INSR: variants seen among roughly 807,000 people sequenced by gnomAD.
INSR encodes IR.
Under a neutral mutation model 142.6 loss-of-function variants are expected in INSR, and 67 were observed. The ratio of observed to expected loss-of-function variants is 0.47; its 90% CI spans 0.39 to 0.58. The LOEUF (loss-of-function observed/expected upper bound fraction) is 0.58. Among genes scored for constraint, INSR ranks in the 20% least tolerant of loss-of-function variants. The pLI is 0.00. For missense variants in INSR, 1,248 were observed against 1,833.2 expected, an observed-to-expected ratio of 0.68 and a Z score of 5.83; for synonymous variants, 756 against 743.1, an observed-to-expected ratio of 1.02 and a Z score of -0.28.
intron 2 of INSR, among the ~76,000 whole-genome samples, chr19:7,244,902 C>T (rs1243229015): frequency 1.4e-5 from 2 of 141,728 alleles, no homozygotes; most frequent in Non-Finnish European, 3.1e-5. Flanking sequence ...AAATCAATAT[C>T]TCAATGGGTT....
intron 2 of INSR, among the ~76,000 whole-genome samples, chr19:7,254,618 C>CT (rs1976833496): frequency 6.6e-6 from 1 of 152,092 alleles, no homozygotes; most frequent in Non-Finnish European, 1.5e-5. Flanking sequence ...TCTTGAAACT[C>CT]CAGCACACAC....
intron 6 of INSR, among the ~76,000 whole-genome samples, chr19:7,169,158 G>A (rs1425486800): frequency 1.3e-5 from 2 of 152,172 alleles, no homozygotes; most frequent in South Asian, 2.1e-4. Flanking sequence ...CCGTGGCCTT[G>A]ATCTCTTTCT....
chr19:7,169,129 A>G (rs1973954552), intron 6 of INSR, among the ~76,000 whole-genome samples: 1 of 152,198 alleles, frequency 6.6e-6, no homozygotes, highest in South Asian at 2.1e-4. Flanking sequence ...TTTGCAATGC[A>G]GAACTTCCCT....
chr19:7,273,320 A>T (rs1407347802), intron 1 of INSR, among the ~76,000 whole-genome samples: 1 of 152,154 alleles, frequency 6.6e-6, no homozygotes, highest in Non-Finnish European at 1.5e-5. Flanking sequence ...TGGGACAGAA[A>T]ATACCCAGAG....
At chr19:7,138,482 C>A (rs771582688) in intron 13 of INSR, among the ~76,000 whole-genome samples, 2 of 152,130 alleles carry the variant, frequency 1.3e-5, no homozygotes, top group Non-Finnish European at 2.9e-5. Flanking sequence ...TCAAGCAATT[C>A]TCTCCTCAGC....
rs757849386 is a variant in INSR at position 7,267,849 on chromosome 19, G to T, written c.148C>A (p.Leu50Met). 2.7e-5 allele frequency: 44 copies of T among 1,613,964 alleles called. No homozygotes were observed. Among genetic ancestry groups the T allele is most frequent in the Non-Finnish European group, 3.7e-5 (44 of 1,180,020 alleles). The part of the protein sequence containing the change: ...IRNNLTRLHE[L>M]ENCSVIEGHL... Reference sequence around the variant, plus strand: ...CCTTCGATGACAGAGCAATTCTCCAGCTCATGCAACCTAGTGAGGTTGTTC... The same window carrying T: ...CCTTCGATGACAGAGCAATTCTCCATCTCATGCAACCTAGTGAGGTTGTTC... Residue 50 changes from leucine (L) to methionine (M), a missense_variant, in exon 2 of 22, where the codon CTG becomes ATG. Leu to Met is a conservative substitution (Grantham distance 15). Coordinates refer to ENST00000302850, the MANE Select transcript of INSR (RefSeq NM_000208.4). The surrounding 1 kb of genome is among the most constrained non-coding windows in gnomAD (Gnocchi z 6.3).
intron 2 of INSR, among the ~76,000 whole-genome samples, chr19:7,199,361 ATG>A (rs573737353): frequency 6.6e-6 from 1 of 151,990 alleles, no homozygotes; most frequent in African/African-American, 2.4e-5. Context: ...AGGGTGTGGT[ATG>A]GAGTTTGGGG....
chr19:7,270,993 C>T (rs1266165748), intron 1 of INSR, among the ~76,000 whole-genome samples: 9 of 131,894 alleles, frequency 6.8e-5, no homozygotes, highest in Non-Finnish European at 3.3e-5. Flanking sequence ...ACCCGGGAGG[C>T]GGAGCTTGCA....
At chr19:7,123,970 C>T (rs1293738342) in intron 17 of INSR, among the ~76,000 whole-genome samples, 2 of 152,040 alleles carry the variant, frequency 1.3e-5, no homozygotes, top group Non-Finnish European at 2.9e-5. Flanking sequence ...GCCTGTAATC[C>T]CAGCACTTTG....
At chr19:7,246,908 CTCCA>C (rs1976553781) in intron 2 of INSR, among the ~76,000 whole-genome samples, 1 of 145,830 alleles carries the variant, frequency 6.9e-6, no homozygotes, top group African/African-American at 2.8e-5. Context: ...CTGATACAAG[CTCCA>C]TGAATGAACT....
chr19:7,158,383 C>T (rs1366778143), intron 9 of INSR, among the ~76,000 whole-genome samples: 1 of 152,120 alleles, frequency 6.6e-6, no homozygotes, highest in Non-Finnish European at 1.5e-5. Context: ...CGCCTGTAGT[C>T]CCAGCTACTC....
At chr19:7,207,464 C>T (rs8105787) in intron 2 of INSR, among the ~76,000 whole-genome samples, 115,934 of 151,858 alleles carry the variant, frequency 0.76, 44,432 homozygotes, top group African/African-American at 0.8. Context: ...TGAATGAGAC[C>T]CAAAGCAGAA....
At chr19:7,133,786 C>T (rs1972841670) in intron 13 of INSR, among the ~76,000 whole-genome samples, 1 of 152,224 alleles carries the variant, frequency 6.6e-6, no homozygotes, top group African/African-American at 2.4e-5. Flanking sequence ...TACTTGAACC[C>T]AGGAGGTGGA....
chr19:7,122,244 C>G, intron 19 of INSR, among the ~76,000 whole-genome samples: 1 of 151,788 alleles, frequency 6.6e-6, no homozygotes, highest in Non-Finnish European at 1.5e-5. Context: ...GAGATCAAGA[C>G]TATCCTGGCC....
chr19:7,153,503 G>A (rs1454126234), intron 9 of INSR, among the ~76,000 whole-genome samples: 1 of 58,124 alleles, frequency 1.7e-5, no homozygotes, highest in Non-Finnish European at 4.5e-5. Flanking sequence ...CACACACACA[G>A]TGAAGGGGGC....
chr19:7,243,737 G>A (rs1441973109), intron 2 of INSR, among the ~76,000 whole-genome samples: 1 of 152,112 alleles, frequency 6.6e-6, no homozygotes, highest in East Asian at 1.9e-4. Flanking sequence ...CATGAACACA[G>A]ATGGCAAGAA....
intron 1 of INSR, among the ~76,000 whole-genome samples, chr19:7,270,379 ACT>A (rs1383549496): frequency 6.9e-6 from 1 of 144,560 alleles, no homozygotes; most frequent in African/African-American, 2.5e-5. Flanking sequence ...ACACACACAC[ACT>A]GCAGGTAGAA....
chr19:7,247,912 C>T (rs183127314), intron 2 of INSR, among the ~76,000 whole-genome samples: 21 of 152,280 alleles, frequency 1.4e-4, no homozygotes, highest in Admixed American at 1.0e-3. Flanking sequence ...TGAATTTCTA[C>T]TTAAATTGCC....
At chr19:7,244,690 T>C (rs1308524940) in intron 2 of INSR, among the ~76,000 whole-genome samples, 1 of 152,200 alleles carries the variant, frequency 6.6e-6, no homozygotes, top group African/African-American at 2.4e-5. Flanking sequence ...TGTAACATTA[T>C]AGACATTTCT....
Sources: allele counts gnomAD v4.1 joint callset (sites outside exome capture counted in the v4.1 genomes callset), GRCh38; gene constraint gnomAD v4.1.1; non-coding constraint Gnocchi (gnomAD v3.1); transcripts MANE v1.5; gene names NCBI Gene and HGNC (gene_info 2026-07-23, HGNC 2026-07-21).